Variants in PCDH15 observed in about 807,000 individuals in gnomAD.
PCDH15 encodes protocadherin-15.
In PCDH15, 129 loss-of-function variants were observed where a neutral mutation model predicts 178.5. The ratio of observed to expected loss-of-function variants is 0.72; its 90% CI spans 0.63 to 0.84. The LOEUF is 0.84. Among genes scored for constraint, PCDH15 ranks in the 40% least tolerant of loss-of-function variants. The pLI, the probability that PCDH15 is intolerant of heterozygous loss-of-function variation, is 0.00. For synonymous variants in PCDH15, 800 were observed against 732.0 expected (o/e 1.09, Z -1.50); for missense variants, 2,230 against 2,099.9 (o/e 1.06, Z -1.21).
intron 2 of PCDH15, among the ~76,000 whole-genome samples, chr10:55,100,790 G>A (rs1842558794): frequency 6.6e-6 from 1 of 152,086 alleles, no homozygotes; most frequent in Non-Finnish European, 1.5e-5. Flanking sequence ...CTCCAACAGT[G>A]AGGATCAAAT....
At chr10:54,473,884 T>A (rs1367590395) in intron 3 of PCDH15, among the ~76,000 whole-genome samples, 1 of 151,858 alleles carries the variant, frequency 6.6e-6, no homozygotes, top group Non-Finnish European at 1.5e-5. Context: ...CATTAGATTT[T>A]CTAAAGTATT....
chr10:54,878,532 G>A (rs958727580), intron 3 of PCDH15, among the ~76,000 whole-genome samples: 2 of 152,106 alleles, frequency 1.3e-5, no homozygotes, highest in Admixed American at 6.5e-5. Context: ...AGATCTTCGA[G>A]ACTTTGAAAC....
At chr10:53,971,039 C>G (rs565276109) in intron 21 of PCDH15, among the ~76,000 whole-genome samples, 136 of 152,196 alleles carry the variant, frequency 8.9e-4, no homozygotes, top group African/African-American at 3.2e-3. Context: ...AAATCCTAAA[C>G]AAAATACTGG....
chr10:54,925,429 T>G (rs1222256406), intron 2 of PCDH15, among the ~76,000 whole-genome samples: 1 of 8,314 alleles, frequency 1.2e-4, no homozygotes, highest in Non-Finnish European at 3.1e-4. Context: ...TATTCAGGCG[T>G]TTTTTTTTGT....
upstream of PCDH15, among the ~76,000 whole-genome samples, chr10:55,323,902 T>C (rs1843966912): frequency 6.6e-6 from 1 of 152,128 alleles, no homozygotes; most frequent in Non-Finnish European, 1.5e-5. Flanking sequence ...GTCCTTACCC[T>C]AATCTCACCT....
chr10:54,519,586 T>C (rs894848428), intron 3 of PCDH15, among the ~76,000 whole-genome samples: 12 of 152,130 alleles, frequency 7.9e-5, no homozygotes, highest in Non-Finnish European at 1.5e-5. Context: ...TGGAAGAACA[T>C]TCCATGCTCA....
Position 55,065,408 on chromosome 10 carries a change from C to T in PCDH15, c.-80+101168G>A, listed in dbSNP as rs1564763188. Reference sequence around the variant, plus strand: ...ATTCAGGTTTCGGTTCAAAGGTCCCCTCCTTAGAAAGGTCCTGTTGTATGA... The same window carrying T: ...ATTCAGGTTTCGGTTCAAAGGTCCCTTCCTTAGAAAGGTCCTGTTGTATGA... On this transcript the variant is annotated intron_variant, in intron 2 of 5. Coordinates refer to the PCDH15 transcript ENST00000458638. 1.4e-4 allele frequency among the ~76,000 whole-genome samples: 21 copies of T among 152,164 alleles called. No individual in the cohort carries two copies. The South Asian group carries it at 4.4e-3, about 32-fold the overall frequency.
At chr10:55,018,583 G>C (rs1237380653) in intron 2 of PCDH15, among the ~76,000 whole-genome samples, 1 of 152,030 alleles carries the variant, frequency 6.6e-6, no homozygotes, top group African/African-American at 2.4e-5. Flanking sequence ...TAACTGTACT[G>C]CAATAGTCTA....
chr10:54,700,173 A>G (rs993613764), intron 1 of PCDH15, among the ~76,000 whole-genome samples: 1 of 152,066 alleles, frequency 6.6e-6, no homozygotes. Context: ...TTCCTCTATC[A>G]AACTCCCAAG....
chr10:55,476,411 A>C (rs1840062993), intron 2 of PCDH15, among the ~76,000 whole-genome samples: 1 of 152,058 alleles, frequency 6.6e-6, no homozygotes. Flanking sequence ...TGAGCTTCCA[A>C]CACTAGATTC....
At chr10:53,985,521 G>A (rs1406471242) in intron 21 of PCDH15, among the ~76,000 whole-genome samples, 1 of 152,140 alleles carries the variant, frequency 6.6e-6, no homozygotes, top group Non-Finnish European at 1.5e-5. Context: ...ACCATGGTGA[G>A]TGGAACAGCC....
chr10:55,191,558 C>T (rs1839944769), intron 1 of PCDH15, among the ~76,000 whole-genome samples: 2 of 151,848 alleles, frequency 1.3e-5, no homozygotes, highest in African/African-American at 4.8e-5. Context: ...AGAGGTATGG[C>T]TTACTCATGT....
intron 2 of PCDH15, among the ~76,000 whole-genome samples, chr10:54,949,870 T>A (rs1838292186): frequency 1.3e-5 from 2 of 151,906 alleles, no homozygotes; most frequent in African/African-American, 4.8e-5. Context: ...AAATTCCTCA[T>A]CTCTATATGA....
At chr10:55,007,807 T>A (rs1477038821) in intron 2 of PCDH15, among the ~76,000 whole-genome samples, 1 of 152,086 alleles carries the variant, frequency 6.6e-6, no homozygotes, top group Non-Finnish European at 1.5e-5. Context: ...GCTTCTTTCT[T>A]CAAGATGTAA....
intron 2 of PCDH15, among the ~76,000 whole-genome samples, chr10:54,925,496 T>C (rs930182172): frequency 6.6e-6 from 1 of 152,192 alleles, no homozygotes; most frequent in Non-Finnish European, 1.5e-5. Context: ...TCATTGGTAT[T>C]TCCATAGGAA....
intron 18 of PCDH15, among the ~76,000 whole-genome samples, chr10:54,059,073 C>A (rs1428508491): frequency 6.6e-6 from 1 of 152,168 alleles, no homozygotes; most frequent in Non-Finnish European, 1.5e-5. Flanking sequence ...CTCTTCTCAG[C>A]CTCTGGTATC....
chr10:54,080,325 C>A (rs571794922), intron 16 of PCDH15, among the ~76,000 whole-genome samples: 3 of 152,132 alleles, frequency 2.0e-5, no homozygotes, highest in African/African-American at 7.2e-5. Context: ...ATATTTAAGA[C>A]TTTATTCACC....
chr10:54,610,337 C>A (rs2092920033), intron 2 of PCDH15, among the ~76,000 whole-genome samples: 1 of 151,864 alleles, frequency 6.6e-6, no homozygotes, highest in Admixed American at 6.6e-5. Context: ...TTGTTTAGTA[C>A]AAGGCACTGT....
intron 5 of PCDH15, among the ~76,000 whole-genome samples, chr10:54,350,083 T>G (rs1251754892): frequency 6.6e-6 from 1 of 152,212 alleles, no homozygotes; most frequent in East Asian, 1.9e-4. Flanking sequence ...TGATATTATA[T>G]AAAGGTTATG....
Sources: gnomAD v4.1 joint callset for allele counts (sites outside exome capture counted in the v4.1 genomes callset) on GRCh38, gnomAD v4.1.1 for gene constraint, MANE v1.5 for transcripts, NCBI Gene and HGNC (gene_info 2026-07-23, HGNC 2026-07-21) for gene names.